The following LYST variants were observed in gnomAD, a reference collection of about 807,000 sequenced individuals.
The protein encoded by LYST is lysosomal-trafficking regulator.
Under a neutral mutation model 413.6 loss-of-function variants are expected in LYST, and 192 were observed. The ratio of observed to expected loss-of-function variants is 0.46; its 90% confidence interval spans 0.41 to 0.52. The LOEUF (loss-of-function observed/expected upper bound fraction) is 0.52. Ranked by LOEUF, LYST falls within the 20% of genes least tolerant of loss-of-function variation. The pLI, the probability that LYST is intolerant of heterozygous loss-of-function variation, is 0.00. For synonymous variants in LYST, 1,525 were observed against 1,567.3 expected (o/e 0.97, Z 0.64); for missense variants, 3,815 against 4,499.9 (o/e 0.85, Z 4.35).
intron 31 of LYST, chr1:235,735,900 G>A (rs928517225): frequency 6.6e-6 from 1 of 152,060 alleles, no homozygotes; most frequent in Admixed American, 6.6e-5. Flanking sequence ...TGAGTAAAAG[G>A]CCTAAAGAGT....
intron 3 of LYST, among the ~76,000 whole-genome samples, chr1:235,813,454 C>A (rs924338618): frequency 2.6e-5 from 4 of 152,068 alleles, no homozygotes; most frequent in African/African-American, 9.7e-5. Context: ...AGCCTTCATG[C>A]AGTTAAATGA....
At chr1:235,712,363 T>C (rs984661194) in intron 42 of LYST, 166 bp from the exon 43 acceptor site, 9 of 580,640 alleles carry the variant, frequency 1.6e-5, no homozygotes, top group South Asian at 2.6e-5. Context: ...TAAATATTTC[T>C]ATAAACTTGA....
chr1:235,880,987 G>T (rs191019231), intron 1 of LYST, among the ~76,000 whole-genome samples: 4 of 152,236 alleles, frequency 2.6e-5, no homozygotes, highest in Non-Finnish European at 4.4e-5. Context: ...TTAGCCGGGC[G>T]TGGTGGAGGG....
intron 22 of LYST, among the ~76,000 whole-genome samples, chr1:235,761,221 G>C (rs563511958): frequency 6.6e-6 from 1 of 152,130 alleles, no homozygotes. Flanking sequence ...CAAAACTAGA[G>C]ACTAATACCT....
intron 29 of LYST, among the ~76,000 whole-genome samples, chr1:235,744,435 A>G (rs1194854713): frequency 6.6e-6 from 1 of 152,226 alleles, no homozygotes; most frequent in South Asian, 2.1e-4. Context: ...TAAAACCATA[A>G]GATTATTATA....
upstream of LYST, among the ~76,000 whole-genome samples, chr1:235,870,917 A>G (rs983726281): frequency 6.6e-6 from 1 of 152,236 alleles, no homozygotes; most frequent in Non-Finnish European, 1.5e-5. Context: ...AATGCATGGG[A>G]ACAGAAATGG....
intron 50 of LYST, among the ~76,000 whole-genome samples, chr1:235,675,220 C>G (rs1431030186): frequency 1.3e-5 from 2 of 152,168 alleles, no homozygotes; most frequent in Non-Finnish European, 1.5e-5. Flanking sequence ...ACTAGCAAAC[C>G]TCTATATGCC....
chr1:235,675,161 C>T (rs1034272634), intron 50 of LYST, among the ~76,000 whole-genome samples: 1 of 152,114 alleles, frequency 6.6e-6, no homozygotes, highest in South Asian at 2.1e-4. Context: ...TCCAAGCTCC[C>T]TTGGTCTTTC....
intron 19 of LYST, among the ~76,000 whole-genome samples, chr1:235,771,695 C>A (rs991459719): frequency 1.5e-4 from 23 of 151,986 alleles, no homozygotes; most frequent in Non-Finnish European, 2.8e-4. Context: ...ACCATGAATA[C>A]CACAAAATCC....
rs1344910017 is a variant in LYST, at chr1:235,854,551, C to G, written c.-98+12292G>C. 6.6e-6 allele frequency among the ~76,000 whole-genome samples: 1 copy of G among 152,178 alleles called. No individual in the cohort carries two copies. The highest frequency in any genetic ancestry group is 6.5e-5 in the Admixed American group (1 of 15,276). On this transcript the variant is annotated intron_variant, in intron 1 of 52. Coordinates refer to ENST00000389793, the MANE Select transcript of LYST (RefSeq NM_000081.4). The surrounding 1 kb of genome is among the most constrained non-coding windows in gnomAD (Gnocchi z 4.1). ...ACCACTTACTGGTTCACCTCTGCAT[C>G]TGCTGCTCTATGACCTTGGGTACTC...
chr1:235,825,107 T>C (rs755967766), intron 3 of LYST, among the ~76,000 whole-genome samples: 6 of 152,058 alleles, frequency 3.9e-5, no homozygotes, highest in Non-Finnish European at 8.8e-5. Context: ...AGAAAAATCA[T>C]ATGATAGTTT....
intron 30 of LYST, among the ~76,000 whole-genome samples, chr1:235,742,281 G>A (rs1015642992): frequency 2.0e-5 from 3 of 151,768 alleles, no homozygotes; most frequent in South Asian, 2.1e-4. Context: ...ATGGTGAAAC[G>A]CTGTCTCTAC....
chr1:235,755,534 T>C lies in LYST; in HGVS notation c.7173A>G (p.Glu2391=). 6.2e-7 allele frequency: 1 copy of C among 1,613,832 alleles called. No individual in the cohort carries two copies. The highest frequency in any genetic ancestry group is 1.1e-5 in the South Asian group (1 of 91,078). The change falls in exon 25 of 53, where the codon GAA becomes GAG. Residue 2391 remains glutamate, a synonymous_variant. Coordinates refer to ENST00000389793, the MANE Select transcript of LYST (RefSeq NM_000081.4). ...NQLYLHRGTQ[E]LLECFIEMFF... is the part of the protein sequence containing the mutation. ...ACATTTCGATGAAGCATTCTAACAA[T>C]TCTTGAGTTCCTCGATGAAGATACA... is the stretch of plus-strand genomic sequence containing the variant.
At chr1:235,742,028 T>C (rs1409300602) in intron 30 of LYST, among the ~76,000 whole-genome samples, 1 of 152,222 alleles carries the variant, frequency 6.6e-6, no homozygotes, top group Non-Finnish European at 1.5e-5. Context: ...AAATATTGTA[T>C]GCTTCTATTT....
chr1:235,702,700 AGTCTAATCAG>A lies in LYST; in HGVS notation c.10374+37_10374+46del, dbSNP rs763228956. ...CTGGGAGAGTGCCTGGCATCACAAGAGTCTAATCAGGTTTTGCTGCACTCGATTGAAATCC... is the reference window on the plus strand; with the variant it reads ...CTGGGAGAGTGCCTGGCATCACAAGAGTTTTGCTGCACTCGATTGAAATCC... On this transcript the variant is annotated intron_variant, in intron 45 of 52. Coordinates refer to ENST00000389793, the MANE Select transcript of LYST (RefSeq NM_000081.4). 21 of 1,470,356 alleles carry A rather than the reference AGTCTAATCAG, an allele frequency of 1.4e-5. No homozygotes were observed. In the East Asian group the frequency reaches 4.3e-4, roughly 30 times the overall value. The allele number at this position is 1,470,356 out of a possible 1,614,324, so 91.1% of individuals were successfully genotyped here. A position where few individuals can be genotyped will look rare whatever the true frequency, so the allele number is the denominator to read the frequency against.
At chr1:235,830,455 T>G in intron 2 of LYST, 31 bp from the exon 3 acceptor site, 3 of 1,465,550 alleles carry the variant, frequency 2.0e-6, no homozygotes, top group Non-Finnish European at 2.8e-6. Context: ...AAAAAAAAGA[T>G]TAGGAAAACA....
chr1:235,770,555 A>G (rs1306853665), intron 19 of LYST, among the ~76,000 whole-genome samples: 1 of 152,188 alleles, frequency 6.6e-6, no homozygotes, highest in African/African-American at 2.4e-5. Flanking sequence ...CATTAAATGT[A>G]TTTTCAAAAG....
At chr1:235,671,949 T>C (rs1658975693) in intron 50 of LYST, among the ~76,000 whole-genome samples, 1 of 152,170 alleles carries the variant, frequency 6.6e-6, no homozygotes, top group Non-Finnish European at 1.5e-5. Context: ...TGGACTAGTG[T>C]GATAGATGTT....
At chr1:235,862,290 G>A (rs1679971267) in intron 1 of LYST, among the ~76,000 whole-genome samples, 1 of 152,112 alleles carries the variant, frequency 6.6e-6, no homozygotes. Context: ...GTATACGGTA[G>A]TATCCCTTTA....
Sources: gnomAD v4.1 joint callset for allele counts (sites outside exome capture counted in the v4.1 genomes callset) on GRCh38, gnomAD v4.1.1 for gene constraint, Gnocchi (gnomAD v3.1) non-coding constraint, MANE v1.5 for transcripts, NCBI Gene and HGNC (gene_info 2026-07-23, HGNC 2026-07-21) for gene names.